The following DGKB variants were observed in gnomAD, a reference collection of about 807,000 sequenced individuals.
DGKB encodes the protein 90 kDa diacylglycerol kinase.
DGKB carries 67 observed loss-of-function variants against 114.3 expected under a neutral mutation model. The observed-to-expected ratio is 0.59, with a 90% CI of 0.48 to 0.72. DGKB has a LOEUF of 0.72. Ranked by LOEUF, DGKB falls within the 30% of genes least tolerant of loss-of-function variation. DGKB has a pLI of 0.00. For synonymous variants in DGKB, 398 were observed against 323.1 expected (o/e 1.23, Z -2.49); for missense variants, 907 against 975.2 (o/e 0.93, Z 0.93).
chr7:14,305,165 G>A (rs1009738282), intron 23 of DGKB, among the ~76,000 whole-genome samples: 3 of 152,036 alleles, frequency 2.0e-5, no homozygotes, highest in African/African-American at 7.2e-5. Context: ...TAGTGATTTT[G>A]AAATATATGA....
At chr7:14,974,382 A>G (rs1024718882) in intron 1 of DGKB, among the ~76,000 whole-genome samples, 2 of 152,122 alleles carry the variant, frequency 1.3e-5, no homozygotes, top group South Asian at 4.1e-4. Context: ...CTTAATTAAA[A>G]AAGGAATAGT....
At chr7:14,595,733 T>C (rs964570536) in intron 17 of DGKB, among the ~76,000 whole-genome samples, 1 of 151,924 alleles carries the variant, frequency 6.6e-6, no homozygotes, top group African/African-American at 2.4e-5. Context: ...GCTTAATGCT[T>C]CGTTTTTACA....
chr7:14,147,588 G>T lies in DGKB; in HGVS notation c.*1543C>A, dbSNP rs967891522. ...AAATGCTATTTGTTATTCAAAGAAA[G>T]ATGAATGAATCAATAACAAAATAGA... is the stretch of plus-strand genomic sequence containing the variant. On this transcript the variant is annotated 3_prime_UTR_variant, in exon 26 of 26. Transcript: ENST00000402815. The T allele has an allele frequency of 6.6e-6, 1 of 152,260 alleles. No individual in the cohort carries two copies. The highest frequency in any genetic ancestry group is 1.5e-5 in the Non-Finnish European group (1 of 67,998). The allele number at this position is 152,260 out of a possible 1,614,324, so 9.4% of individuals were successfully genotyped here. A position where few individuals can be genotyped will look rare whatever the true frequency, so the allele number is the denominator to read the frequency against.
intron 2 of DGKB, among the ~76,000 whole-genome samples, chr7:14,784,037 TATA>T: frequency 6.6e-6 from 1 of 152,218 alleles, no homozygotes; most frequent in East Asian, 1.9e-4. Context: ...GAATCATAAA[TATA>T]ATGTTGAGTT....
At chr7:14,574,065 A>G in intron 20 of DGKB, 147 bp downstream of exon 20, 1 of 560,534 alleles carries the variant, frequency 1.8e-6, no homozygotes, top group Non-Finnish European at 3.0e-6. Context: ...CATTAGAGCA[A>G]TAATAATTGC....
At chr7:14,469,308 G>A (rs2128883672) in intron 21 of DGKB, among the ~76,000 whole-genome samples, 1 of 152,164 alleles carries the variant, frequency 6.6e-6, no homozygotes, top group East Asian at 1.9e-4. Flanking sequence ...AATGTTTGCA[G>A]ACAAAGGAAA....
chr7:14,252,197 C>T (rs145420138), intron 23 of DGKB, among the ~76,000 whole-genome samples: 3 of 152,082 alleles, frequency 2.0e-5, no homozygotes, highest in Non-Finnish European at 4.4e-5. Context: ...TCTTCTTACC[C>T]AGATCAAGTC....
intron 21 of DGKB, among the ~76,000 whole-genome samples, chr7:14,451,948 G>A (rs914602967): frequency 1.3e-5 from 2 of 152,076 alleles, no homozygotes; most frequent in Non-Finnish European, 2.9e-5. Context: ...TTTACTGCTT[G>A]TATTAAAGTT....
intron 2 of DGKB, among the ~76,000 whole-genome samples, chr7:14,819,914 G>A (rs1162859715): frequency 6.6e-6 from 1 of 152,160 alleles, no homozygotes. Flanking sequence ...CAGAGACCAA[G>A]ATTGGAATAG....
chr7:14,615,120 T>C (rs1806280425), intron 15 of DGKB, among the ~76,000 whole-genome samples: 1 of 152,070 alleles, frequency 6.6e-6, no homozygotes, highest in Non-Finnish European at 1.5e-5. Context: ...CAATAATAAA[T>C]AGATGTAGAT....
intron 20 of DGKB, among the ~76,000 whole-genome samples, chr7:14,492,022 G>T (rs1002961448): frequency 1.3e-5 from 2 of 151,792 alleles, no homozygotes; most frequent in Non-Finnish European, 2.9e-5. Flanking sequence ...AGAGAATATA[G>T]GCCTATTACA....
At chr7:14,908,902 T>A (rs76049626) in intron 1 of DGKB, among the ~76,000 whole-genome samples, 3,119 of 152,288 alleles carry the variant, frequency 0.02, 113 homozygotes, top group African/African-American at 0.072. Context: ...ACAAAACTCA[T>A]TATCATTATC....
intron 1 of DGKB, among the ~76,000 whole-genome samples, chr7:14,925,304 G>A (rs914002178): frequency 2.6e-5 from 4 of 152,260 alleles, no homozygotes; most frequent in African/African-American, 9.6e-5. Flanking sequence ...TAAAACCATT[G>A]AGTCACATGG....
At chr7:14,214,506 T>C in intron 23 of DGKB, among the ~76,000 whole-genome samples, 1 of 152,138 alleles carries the variant, frequency 6.6e-6, no homozygotes, top group East Asian at 1.9e-4. Flanking sequence ...GTAAATATTA[T>C]ATGGTACTTA....
At chr7:14,204,153 C>T (rs1277921459) in intron 23 of DGKB, among the ~76,000 whole-genome samples, 1 of 151,908 alleles carries the variant, frequency 6.6e-6, no homozygotes, top group Non-Finnish European at 1.5e-5. Flanking sequence ...TAATGTTTTT[C>T]AACATGATTA....
At chr7:14,605,283 G>T (rs939853203) in intron 17 of DGKB, among the ~76,000 whole-genome samples, 1 of 151,148 alleles carries the variant, frequency 6.6e-6, no homozygotes, top group Admixed American at 6.6e-5. Context: ...CAGAAAGCAA[G>T]TTGCAAGATA....
At chr7:14,224,077 C>G (rs554249022) in intron 23 of DGKB, among the ~76,000 whole-genome samples, 149 of 151,626 alleles carry the variant, frequency 9.8e-4, no homozygotes, top group African/African-American at 3.5e-3. Context: ...TAATATTTTT[C>G]AATAAAGCTG....
At chr7:14,644,037 A>G (rs1812403086) in intron 13 of DGKB, among the ~76,000 whole-genome samples, 1 of 152,100 alleles carries the variant, frequency 6.6e-6, no homozygotes, top group African/African-American at 2.4e-5. Context: ...CTCCCAAAGA[A>G]AGTTATGACA....
intron 23 of DGKB, among the ~76,000 whole-genome samples, chr7:14,196,861 C>T (rs1245130114): frequency 6.6e-6 from 1 of 151,952 alleles, no homozygotes; most frequent in African/African-American, 2.4e-5. Context: ...CAAAAAATCT[C>T]TGTGAAAAAG....
Sources: gnomAD v4.1 joint callset for allele counts (sites outside exome capture counted in the v4.1 genomes callset) on GRCh38, gnomAD v4.1.1 for gene constraint, MANE v1.5 for transcripts, NCBI Gene and HGNC (gene_info 2026-07-23, HGNC 2026-07-21) for gene names.